The following VPS13A variants were observed in gnomAD, a reference collection of about 807,000 sequenced individuals.
VPS13A encodes vacuolar protein sorting 13 homolog A, also known as intermembrane lipid transfer protein VPS13A.
Under a neutral mutation model 390.9 loss-of-function variants are expected in VPS13A, and 264 were observed. That is an observed-to-expected ratio of 0.68 (90% confidence interval 0.61 to 0.75). The LOEUF (loss-of-function observed/expected upper bound fraction) is 0.75. Ranked by LOEUF, VPS13A falls within the 30% of genes least tolerant of loss-of-function variation. The probability of loss-of-function intolerance (pLI) is 0.00; values close to 1 mark genes in which losing one functional copy is unlikely to be tolerated. For missense variants in VPS13A, 3,409 were observed against 3,733.9 expected (o/e 0.91, Z 2.27); for synonymous variants, 1,231 against 1,227.1 (o/e 1.00, Z -0.07).
intron 71 of VPS13A, among the ~76,000 whole-genome samples, chr9:77,414,770 A>C (rs528886582): frequency 5.6e-5 from 5 of 89,928 alleles, no homozygotes; most frequent in Non-Finnish European, 1.2e-4. Context: ...ATAATAATAA[A>C]AACTTAGAGT....
intron 60 of VPS13A, 50 bp downstream of exon 60, chr9:77,365,623 T>A (rs1329147235): frequency 8.8e-7 from 1 of 1,131,360 alleles, no homozygotes; most frequent in Non-Finnish European, 1.3e-6. Flanking sequence ...TAATAGCAAA[T>A]TGATGTAGCA....
At chr9:77,407,638 G>C (rs1311228983) in intron 71 of VPS13A, 31 bp downstream of exon 71, 2 of 1,507,784 alleles carry the variant, frequency 1.3e-6, no homozygotes, top group South Asian at 2.3e-5. Context: ...ATTTAAATAG[G>C]AGCTGCTCAC....
At chr9:77,305,088 G>A (rs1257884226) in intron 34 of VPS13A, among the ~76,000 whole-genome samples, 2 of 151,934 alleles carry the variant, frequency 1.3e-5, no homozygotes, top group Non-Finnish European at 1.5e-5. Context: ...ACAGGCATCC[G>A]CCACCGCGCC....
At chr9:77,210,774 A>T (rs148497564) in intron 7 of VPS13A, 99 bp downstream of exon 7, 3 of 1,240,972 alleles carry the variant, frequency 2.4e-6, no homozygotes, top group Non-Finnish European at 3.5e-6. Context: ...ATAGGTGTCT[A>T]TGTAGAACGG....
At chr9:77,248,598 C>T in intron 20 of VPS13A, among the ~76,000 whole-genome samples, 1 of 151,922 alleles carries the variant, frequency 6.6e-6, no homozygotes, top group East Asian at 1.9e-4. Flanking sequence ...TAGATCTGTG[C>T]TCTTCACTAT....
rs189550205 is a variant in VPS13A, at chr9:77,245,843, T to C, written c.1901-1416T>C. On this transcript the variant is annotated intron_variant, in intron 19 of 71. Transcript: ENST00000360280. ...GAAAAGAGGTTTATTTGTTTCATGG[T>C]TCTACAGGCTGTACAAGAAGCATGA... 2.3e-4 allele frequency among the ~76,000 whole-genome samples: 35 copies of C among 152,336 alleles called. No individual in the cohort carries two copies. The East Asian group carries it at 5.6e-3, about 24-fold the overall frequency.
chr9:77,380,136 G>GT (rs139271350), intron 67 of VPS13A, among the ~76,000 whole-genome samples: 3,871 of 151,818 alleles, frequency 0.025, 159 homozygotes, highest in East Asian at 0.19. Context: ...TTTAAAGGCT[G>GT]TTTTTTTCTG....
At position 77,318,242 on chromosome 9, in the gene VPS13A, C is replaced by G. The variant is rs771812116; in HGVS notation, c.4964C>G (p.Pro1655Arg). ...SVKSLTLKVS[P>R]VIINTMITIT... ...TAATTTTTTTCCATTTAGGTTTCAC[C>G]AGTTATTATAAATACTATGATTACC... The change falls in exon 41 of 72, where the codon CCA becomes CGA. Residue 1655 changes from proline to arginine, a missense_variant. Coordinates refer to ENST00000360280, the MANE Select transcript of VPS13A (RefSeq NM_033305.3). 1 of 1,587,520 alleles carries G rather than the reference C, an allele frequency of 6.3e-7. No individual in the cohort carries two copies. Among genetic ancestry groups the G allele is most frequent in the African/African-American group, 1.4e-5 (1 of 73,486 alleles).
intron 67 of VPS13A, among the ~76,000 whole-genome samples, chr9:77,378,385 G>A (rs1031864073): frequency 3.3e-5 from 5 of 151,968 alleles, no homozygotes; most frequent in Non-Finnish European, 5.9e-5. Flanking sequence ...AGTTTTTATA[G>A]GAATTTGTTC....
In VPS13A at chr9:77,260,234, C is replaced by T. The variant is rs1230626024; in HGVS notation, c.2427+10C>T. 1.2e-6 allele frequency: 2 copies of T among 1,607,806 alleles called. No individual in the cohort carries two copies. Among genetic ancestry groups the T allele is most frequent in the Admixed American group, 1.7e-5 (1 of 59,722 alleles). On this transcript the variant is annotated intron_variant, in intron 23 of 71. Coordinates refer to ENST00000360280, the MANE Select transcript of VPS13A (RefSeq NM_033305.3). The stretch of plus-strand genomic sequence containing the variant: ...TGTCAAATCATTCCAGGTAATGTTA[C>T]TTTCAAAATTAATATAAGCATGAAT...
intron 68 of VPS13A, among the ~76,000 whole-genome samples, chr9:77,388,111 T>A (rs1460716341): frequency 1.3e-5 from 2 of 152,180 alleles, no homozygotes; most frequent in African/African-American, 2.4e-5. Flanking sequence ...TGGATCAAAA[T>A]CAGGTGATGT....
In VPS13A at chr9:77,418,143, G is replaced by C. The variant is rs139779298; in HGVS notation, c.*2137G>C. 7 of 152,274 alleles carry C rather than the reference G, an allele frequency of 4.6e-5. No individual in the cohort carries two copies. Among genetic ancestry groups the C allele is most frequent in the African/African-American group, 1.7e-4 (7 of 41,560 alleles). 9.4% of individuals were successfully genotyped at this position (152,274 alleles called of 1,614,324 possible). A position where few individuals can be genotyped will look rare whatever the true frequency, so the allele number is the denominator to read the frequency against. ...CCATTTTTCTTGAAGGTTAGAATAA[G>C]AATCTTCTTGTATTTGAAAACCATC... On this transcript the variant is annotated 3_prime_UTR_variant, in exon 72 of 72. Transcript: ENST00000360280.
intron 42 of VPS13A, 130 bp downstream of exon 42, chr9:77,319,803 AC>A: frequency 3.8e-6 from 2 of 529,524 alleles, no homozygotes; most frequent in Non-Finnish European, 6.5e-6. Flanking sequence ...TATACCACCT[AC>A]TTCTGCACAT....
chr9:77,240,532 C>T (rs1276987408), intron 19 of VPS13A, among the ~76,000 whole-genome samples: 1 of 140,930 alleles, frequency 7.1e-6, no homozygotes, highest in Non-Finnish European at 1.5e-5. Flanking sequence ...GCTGGGGGTG[C>T]GGTGGCATAA....
At chr9:77,296,186 C>G (rs1383000554) in intron 33 of VPS13A, among the ~76,000 whole-genome samples, 1 of 152,104 alleles carries the variant, frequency 6.6e-6, no homozygotes, top group Non-Finnish European at 1.5e-5. Context: ...ATTCACTTTG[C>G]AAATACATTA....
At chr9:77,380,538 C>G (rs928245132) in intron 67 of VPS13A, among the ~76,000 whole-genome samples, 16 of 152,172 alleles carry the variant, frequency 1.1e-4, no homozygotes, top group African/African-American at 3.9e-4. Context: ...TCTCGAACTC[C>G]TGACCTCATG....
intron 1 of VPS13A, among the ~76,000 whole-genome samples, chr9:77,198,454 A>G (rs1396525563): frequency 6.6e-6 from 1 of 152,060 alleles, no homozygotes; most frequent in Non-Finnish European, 1.5e-5. Flanking sequence ...TATCTTCATC[A>G]TCCACTTGTG....
intron 51 of VPS13A, among the ~76,000 whole-genome samples, 198 bp downstream of exon 51, chr9:77,344,479 C>T (rs1027772511): frequency 8.6e-5 from 13 of 151,978 alleles, no homozygotes; most frequent in South Asian, 2.1e-4. Context: ...TAGTTGGGGC[C>T]GGGTGCGGTG....
chr9:77,404,990 C>G (rs1050483858), intron 69 of VPS13A, among the ~76,000 whole-genome samples: 1 of 146,710 alleles, frequency 6.8e-6, no homozygotes, highest in South Asian at 2.2e-4. Context: ...GGAGTCAGAC[C>G]TTTTTTTTTT....
Sources: allele counts gnomAD v4.1 joint callset (sites outside exome capture counted in the v4.1 genomes callset), GRCh38; gene constraint gnomAD v4.1.1; transcripts MANE v1.5; gene names NCBI Gene and HGNC (gene_info 2026-07-23, HGNC 2026-07-21).